ZNF431: variants seen among roughly 807,000 people sequenced by gnomAD.
The protein encoded by ZNF431 is zinc finger protein 431.
ZNF431 carries 34 observed loss-of-function variants against 57.0 expected under a neutral mutation model. That is an observed-to-expected ratio of 0.60 (90% CI 0.45 to 0.79). The LOEUF (loss-of-function observed/expected upper bound fraction) is 0.79, where lower values mean the gene tolerates loss of function less well. Ranked by LOEUF, ZNF431 falls within the 30% of genes least tolerant of loss-of-function variation. The pLI is 0.00. For synonymous variants in ZNF431, 207 were observed against 220.3 expected (o/e 0.94, Z 0.54); for missense variants, 607 against 667.1 (o/e 0.91, Z 0.99).
chr19:21,183,246 C>T lies in ZNF431; in HGVS notation c.943C>T (p.Pro315Ser). 6.2e-7 allele frequency: 1 copy of T among 1,613,570 alleles called. No homozygotes were observed. The highest frequency in any genetic ancestry group is 8.5e-7 in the Non-Finnish European group (1 of 1,179,844). Residue 315 changes from proline (P) to serine (S), a missense_variant, in exon 5 of 5, where the codon CCC becomes TCC. Coordinates refer to ENST00000311048, the MANE Select transcript of ZNF431 (RefSeq NM_133473.4). ...THKIIHTGEK[P>S]YKCEECGKAF... ...TAAGATAATTCATACTGGAGAGAAG[C>T]CCTACAAATGTGAAGAATGTGGCAA...
At chr19:21,158,050 T>C in intron 2 of ZNF431, among the ~76,000 whole-genome samples, 1 of 152,314 alleles carries the variant, frequency 6.6e-6, no homozygotes, top group East Asian at 1.9e-4. Context: ...AATTTTAAAA[T>C]AGTTATTTTT....
At position 21,190,173 on chromosome 19, in the gene ZNF431, G is replaced by T; in HGVS notation, c.*6139G>T. 3.1e-6 allele frequency: 1 copy of T among 321,362 alleles called. No homozygotes were observed. Among genetic ancestry groups the T allele is most frequent in the Non-Finnish European group, 5.6e-6 (1 of 178,896 alleles). 19.9% of individuals were successfully genotyped at this position (321,362 alleles called of 1,614,324 possible). On this transcript the variant is annotated 3_prime_UTR_variant, in exon 5 of 5. Coordinates refer to ENST00000311048, the MANE Select transcript of ZNF431 (RefSeq NM_133473.4). Reference sequence around the variant, plus strand: ...AACAGAGTGAGACTCGGTCTCAAGAGGGAAAATAAGGCATTTTTCTCATTT... The same window carrying T: ...AACAGAGTGAGACTCGGTCTCAAGATGGAAAATAAGGCATTTTTCTCATTT...
At chr19:21,174,899 A>G (rs544315630) in intron 4 of ZNF431, among the ~76,000 whole-genome samples, 7 of 151,972 alleles carry the variant, frequency 4.6e-5, no homozygotes, top group Non-Finnish European at 1.0e-4. Flanking sequence ...CAGCCTCCCA[A>G]GTAGCTGGGA....
intron 4 of ZNF431, among the ~76,000 whole-genome samples, chr19:21,179,122 C>T (rs1971139755): frequency 1.3e-5 from 2 of 152,108 alleles, no homozygotes; most frequent in Non-Finnish European, 2.9e-5. Flanking sequence ...AGGAATTTAT[C>T]CATTTCTTCT....
intron 2 of ZNF431, among the ~76,000 whole-genome samples, chr19:21,163,016 A>G (rs931405456): frequency 1.3e-5 from 2 of 152,160 alleles, no homozygotes; most frequent in Non-Finnish European, 2.9e-5. Context: ...AATGACAGAG[A>G]AACAGATGAA....
Position 21,185,375 on chromosome 19 carries a change from C to T in ZNF431, c.*1341C>T, listed in dbSNP as rs981594212. The T allele has an allele frequency of 1.3e-5, 2 of 152,000 alleles. No individual in the cohort carries two copies. The highest frequency in any genetic ancestry group is 1.5e-5 in the Non-Finnish European group (1 of 67,990). The allele number at this position is 152,000 out of a possible 1,614,324, so 9.4% of individuals were successfully genotyped here. ...CATCATTCAACTCTGAAATTATTTCCTGTTGTTTCTTCATTCCTATTGGAT... is the reference window on the plus strand; with the variant it reads ...CATCATTCAACTCTGAAATTATTTCTTGTTGTTTCTTCATTCCTATTGGAT... On this transcript the variant is annotated 3_prime_UTR_variant, in exon 5 of 5. Transcript: ENST00000311048.
rs1971358475 is a variant in ZNF431, at chr19:21,185,813, A to G, written c.*1779A>G. 6.6e-6 allele frequency: 1 copy of G among 152,158 alleles called. No homozygotes were observed. 9.4% of individuals were successfully genotyped at this position (152,158 alleles called of 1,614,324 possible). ...ATATATAATAGTAGCAGGGTTAAGT[A>G]AGGCATCCATCATCTGTAGCATTTC... On this transcript the variant is annotated 3_prime_UTR_variant, in exon 5 of 5. Coordinates refer to ENST00000311048, the MANE Select transcript of ZNF431 (RefSeq NM_133473.4).
intron 1 of ZNF431, among the ~76,000 whole-genome samples, chr19:21,142,433 C>A (rs1199029571): frequency 3.9e-5 from 6 of 152,198 alleles, no homozygotes; most frequent in Non-Finnish European, 7.3e-5. Context: ...CCTCTCTGGG[C>A]AGCTCTGCAC....
chr19:21,153,239 T>C (rs1970324592), intron 2 of ZNF431, among the ~76,000 whole-genome samples: 1 of 152,208 alleles, frequency 6.6e-6, no homozygotes, highest in Admixed American at 6.5e-5. Context: ...AACTGTGTTA[T>C]CAGCCAGGTC....
intron 2 of ZNF431, among the ~76,000 whole-genome samples, chr19:21,155,064 C>G (rs1389708847): frequency 3.3e-5 from 5 of 152,114 alleles, no homozygotes; most frequent in Admixed American, 6.5e-5. Context: ...GTTGCCGTTG[C>G]TTTTGGTGTT....
Position 21,191,084 on chromosome 19 carries a change from A to C in ZNF431, c.*7050A>C, listed in dbSNP as rs1047471230. The C allele has an allele frequency of 6.6e-6, 1 of 151,992 alleles. No individual in the cohort carries two copies. Among genetic ancestry groups the C allele is most frequent in the Non-Finnish European group, 1.5e-5 (1 of 67,994 alleles). 9.4% of individuals were successfully genotyped at this position (151,992 alleles called of 1,614,324 possible). ...TGTCACATTCTGTTGATTGTATCAG[A>C]TTTTGTCCAGCAGCTTTTTAATTTG... On this transcript the variant is annotated 3_prime_UTR_variant, in exon 5 of 5. Coordinates refer to ENST00000311048, the MANE Select transcript of ZNF431 (RefSeq NM_133473.4).
chr19:21,170,110 C>G (rs1970840616), intron 4 of ZNF431, among the ~76,000 whole-genome samples: 1 of 152,330 alleles, frequency 6.6e-6, no homozygotes, highest in Non-Finnish European at 1.5e-5. Context: ...AAAAACACTC[C>G]TCAATCTTGG....
chr19:21,174,538 T>G (rs1397087267), intron 4 of ZNF431, among the ~76,000 whole-genome samples: 1 of 152,202 alleles, frequency 6.6e-6, no homozygotes, highest in African/African-American at 2.4e-5. Flanking sequence ...TGTCCTATGC[T>G]GTTATATACA....
chr19:21,162,176 GTGT>G (rs1568303421), intron 2 of ZNF431, among the ~76,000 whole-genome samples: 1 of 151,296 alleles, frequency 6.6e-6, no homozygotes, highest in East Asian at 2.0e-4. Context: ...GTGTGTGTGT[GTGT>G]GTGTGTTTTC....
chr19:21,164,918 C>G (rs1970675864), intron 2 of ZNF431, among the ~76,000 whole-genome samples: 1 of 151,356 alleles, frequency 6.6e-6, no homozygotes, highest in South Asian at 2.1e-4. Context: ...CAAGACCAGC[C>G]TGACCAAGAT....
intron 2 of ZNF431, among the ~76,000 whole-genome samples, chr19:21,156,753 T>G (rs1487636243): frequency 6.6e-6 from 1 of 152,198 alleles, no homozygotes; most frequent in Non-Finnish European, 1.5e-5. Flanking sequence ...CGTACTTTGT[T>G]TTTTATTAAA....
intron 4 of ZNF431, among the ~76,000 whole-genome samples, chr19:21,179,752 G>C (rs550070521): frequency 6.6e-6 from 1 of 151,948 alleles, no homozygotes; most frequent in African/African-American, 2.4e-5. Context: ...TAGAGACGGG[G>C]TTTCACCATA....
intron 2 of ZNF431, among the ~76,000 whole-genome samples, chr19:21,153,002 G>A (rs1970318253): frequency 6.6e-6 from 1 of 152,220 alleles, no homozygotes; most frequent in Middle Eastern, 3.2e-3. Flanking sequence ...AGGCAGAGCA[G>A]TGGCTGCTAG....
intron 4 of ZNF431, among the ~76,000 whole-genome samples, chr19:21,168,828 GT>G (rs1970799919): frequency 6.6e-6 from 1 of 151,920 alleles, no homozygotes; most frequent in South Asian, 2.1e-4. Context: ...GTATCAGATA[GT>G]TTTAAGTGTA....
Sources: allele counts gnomAD v4.1 joint callset (sites outside exome capture counted in the v4.1 genomes callset), GRCh38; gene constraint gnomAD v4.1.1; transcripts MANE v1.5; gene names NCBI Gene and HGNC (gene_info 2026-07-23, HGNC 2026-07-21).